The following SH3D19 variants were observed in gnomAD, a reference collection of about 807,000 sequenced individuals.
SH3D19 encodes SH3 domain-containing protein 19.
A neutral mutation model predicts 112.1 loss-of-function variants in SH3D19; 58 were observed. That is an observed-to-expected ratio of 0.52 (90% CI 0.42 to 0.64). The LOEUF (loss-of-function observed/expected upper bound fraction) is 0.64, where lower values mean the gene tolerates loss of function less well. Ranked by LOEUF, SH3D19 falls within the 30% of genes least tolerant of loss-of-function variation. The pLI, the probability that SH3D19 is intolerant of heterozygous loss-of-function variation, is 0.00. For synonymous variants in SH3D19, 391 were observed against 448.5 expected, an observed-to-expected ratio of 0.87 and a Z score of 1.62; for missense variants, 1,090 against 1,263.4, an observed-to-expected ratio of 0.86 and a Z score of 2.08.
chr4:151,319,095 G>T (rs62328551), intron 1 of SH3D19, among the ~76,000 whole-genome samples: 43,034 of 152,098 alleles, frequency 0.28, 6,884 homozygotes, highest in East Asian at 0.37. Context: ...TTGTTGTCCA[G>T]GCTGGAGTGC....
At chr4:151,208,699 A>T (rs1463610808) in intron 2 of SH3D19, among the ~76,000 whole-genome samples, 1 of 120,112 alleles carries the variant, frequency 8.3e-6, no homozygotes, top group Non-Finnish European at 1.7e-5. Context: ...TTTTTTTGAG[A>T]TGGAGTCTTG....
intron 19 of SH3D19, 62 bp downstream of exon 19, chr4:151,127,556 A>G: frequency 1.0e-6 from 1 of 985,264 alleles, no homozygotes. Flanking sequence ...TCCATCCTTC[A>G]ATGGAAAACA....
At chr4:151,142,184 G>A (rs1178093842) in intron 12 of SH3D19, among the ~76,000 whole-genome samples, 2 of 152,166 alleles carry the variant, frequency 1.3e-5, no homozygotes, top group South Asian at 2.1e-4. Context: ...TAGTCACTGT[G>A]TTAAATACCT....
intron 2 of SH3D19, among the ~76,000 whole-genome samples, chr4:151,215,853 T>C (rs992574740): frequency 3.3e-5 from 5 of 150,362 alleles, no homozygotes; most frequent in Non-Finnish European, 7.4e-5. Flanking sequence ...TTTGACGGAG[T>C]CTTGCTCTGT....
chr4:151,148,113 T>C lies in SH3D19; in HGVS notation c.1891A>G (p.Lys631Glu), dbSNP rs773915187. The change falls in exon 11 of 20, where the codon AAG (lysine) becomes GAG (glutamate). Residue 631 changes from lysine to glutamate, a missense_variant. Coordinates refer to ENST00000604030, the MANE Select transcript of SH3D19 (RefSeq NM_001378122.1). ...KVPPERPPPP[K>E]LSATRRSNKK... The stretch of plus-strand genomic sequence containing the variant: ...TTAGATCTTCTGGTTGCAGAAAGCT[T>C]TGGGGGAGGTGGTCTCTCAGGGGGC... 18 of 1,614,026 alleles carry C rather than the reference T, an allele frequency of 1.1e-5. No individual in the cohort carries two copies. Among genetic ancestry groups the C allele is most frequent in the Middle Eastern group, 1.6e-4 (1 of 6,062 alleles).
intron 1 of SH3D19, among the ~76,000 whole-genome samples, chr4:151,242,189 C>CA (rs903328772): frequency 7.0e-4 from 99 of 141,022 alleles, no homozygotes; most frequent in African/African-American, 1.9e-3. Context: ...TGTCTCAAAA[C>CA]AAAAAAAAAA....
At chr4:151,219,454 T>C (rs1282723349) in intron 2 of SH3D19, among the ~76,000 whole-genome samples, 2 of 152,220 alleles carry the variant, frequency 1.3e-5, no homozygotes, top group Non-Finnish European at 2.9e-5. Context: ...CCTATCTTGA[T>C]AGTCCTGAAT....
At chr4:151,278,325 G>T (rs914273836) in intron 1 of SH3D19, among the ~76,000 whole-genome samples, 1 of 151,814 alleles carries the variant, frequency 6.6e-6, no homozygotes, top group Admixed American at 6.6e-5. Context: ...TTAGAGTGCA[G>T]TGGTGCAATC....
intron 2 of SH3D19, among the ~76,000 whole-genome samples, chr4:151,206,639 T>G (rs1454538986): frequency 6.6e-6 from 1 of 152,214 alleles, no homozygotes; most frequent in Non-Finnish European, 1.5e-5. Context: ...ATTACGGTAT[T>G]GTTATCATTA....
At chr4:151,264,761 A>G (rs761515716) in intron 1 of SH3D19, among the ~76,000 whole-genome samples, 2 of 152,244 alleles carry the variant, frequency 1.3e-5, no homozygotes, top group Admixed American at 6.5e-5. Flanking sequence ...CATGTTTCAT[A>G]TGAAAAATAT....
chr4:151,211,919 G>A (rs893633205), intron 2 of SH3D19, among the ~76,000 whole-genome samples: 1 of 152,218 alleles, frequency 6.6e-6, no homozygotes, highest in African/African-American at 2.4e-5. Context: ...AAAAGCTGCA[G>A]CAAGTTATCC....
chr4:151,179,309 C>A, intron 4 of SH3D19, 46 bp downstream of exon 4: 1 of 1,084,620 alleles, frequency 9.2e-7, no homozygotes, highest in South Asian at 4.7e-5. Context: ...CACTTTTACT[C>A]AATTATTAGT....
At chr4:151,277,292 A>T in intron 1 of SH3D19, 3 of 1,207,222 alleles carry the variant, frequency 2.5e-6, no homozygotes, top group South Asian at 4.0e-5. Context: ...ATCACATAGA[A>T]CAATGTGACA....
intron 1 of SH3D19, among the ~76,000 whole-genome samples, chr4:151,293,325 T>TA (rs1177058478): frequency 6.6e-6 from 1 of 151,162 alleles, no homozygotes; most frequent in Non-Finnish European, 1.5e-5. Flanking sequence ...AAAAAAAAAT[T>TA]AGCCGGGCAT....
intron 2 of SH3D19, among the ~76,000 whole-genome samples, chr4:151,217,371 C>T (rs1435858243): frequency 1.3e-5 from 2 of 152,156 alleles, no homozygotes; most frequent in East Asian, 3.8e-4. Context: ...AACCAAGACC[C>T]TTTTAAATTC....
At chr4:151,299,973 G>T (rs189405044) in intron 1 of SH3D19, among the ~76,000 whole-genome samples, 2 of 152,242 alleles carry the variant, frequency 1.3e-5, no homozygotes. Context: ...AGGCCAAGGC[G>T]GGCAGATCAC....
chr4:151,305,094 TAAAC>T (rs1167244774), intron 1 of SH3D19, among the ~76,000 whole-genome samples: 3 of 152,178 alleles, frequency 2.0e-5, no homozygotes, highest in African/African-American at 7.2e-5. Context: ...GAGAAGTCAC[TAAAC>T]AAACAACCAC....
At chr4:151,310,883 T>C (rs1463874523) in intron 1 of SH3D19, among the ~76,000 whole-genome samples, 1 of 151,788 alleles carries the variant, frequency 6.6e-6, no homozygotes, top group Non-Finnish European at 1.5e-5. Flanking sequence ...AATAAATCCC[T>C]ATCTCAAAGA....
In SH3D19 at chr4:151,128,207, C is replaced by T. The variant is rs1749850831; in HGVS notation, c.2892G>A (p.Glu964=). 6.2e-7 allele frequency: 1 copy of T among 1,612,544 alleles called. No homozygotes were observed. Among genetic ancestry groups the T allele is most frequent in the South Asian group, 1.1e-5 (1 of 90,658 alleles). The part of the protein sequence containing the change: ...DWCRGRLQDR[E]GIFPAVFVRP... ...TCACAAACACTGCTGGGAAGATCCCCTCCCTGTCCTGCAGTCTGCCCCTGC... is the reference window on the plus strand; with the variant it reads ...TCACAAACACTGCTGGGAAGATCCCTTCCCTGTCCTGCAGTCTGCCCCTGC... Residue 964 remains glutamate, a synonymous_variant, in exon 18 of 20, where the codon GAG becomes GAA. Coordinates refer to ENST00000604030, the MANE Select transcript of SH3D19 (RefSeq NM_001378122.1).
Sources: gnomAD v4.1 joint callset for allele counts (sites outside exome capture counted in the v4.1 genomes callset) on GRCh38, gnomAD v4.1.1 for gene constraint, MANE v1.5 for transcripts, NCBI Gene and HGNC (gene_info 2026-07-23, HGNC 2026-07-21) for gene names.